GLIPR1L2: variants seen among roughly 807,000 people sequenced by gnomAD.
GLIPR1L2 encodes GLIPR1 like 2.
In GLIPR1L2, 21 loss-of-function variants were observed where a neutral mutation model predicts 28.4. The ratio of observed to expected loss-of-function variants is 0.74; its 90% CI spans 0.52 to 1.06. The LOEUF (loss-of-function observed/expected upper bound fraction) is 1.06. Ranked by LOEUF, GLIPR1L2 falls within the 50% of genes least tolerant of loss-of-function variation. The pLI is 0.00. For missense variants in GLIPR1L2, 476 were observed against 416.9 expected, an observed-to-expected ratio of 1.14 and a Z score of -1.23; for synonymous variants, 145 against 139.3, an observed-to-expected ratio of 1.04 and a Z score of -0.29.
At chr12:75,412,475 A>G (rs2045878332) in intron 2 of GLIPR1L2, among the ~76,000 whole-genome samples, 1 of 152,150 alleles carries the variant, frequency 6.6e-6, no homozygotes, top group Non-Finnish European at 1.5e-5. Flanking sequence ...CAGAATCTAC[A>G]ATGAACTCAA....
intron 3 of GLIPR1L2, among the ~76,000 whole-genome samples, chr12:75,415,971 C>G (rs1211906954): frequency 6.6e-6 from 1 of 152,054 alleles, no homozygotes; most frequent in Non-Finnish European, 1.5e-5. Context: ...CATATTCACT[C>G]TCCTGAGAAT....
intron 4 of GLIPR1L2, 179 bp downstream of exon 4, chr12:75,423,168 G>A: frequency 6.8e-7 from 1 of 1,462,874 alleles, no homozygotes; most frequent in Non-Finnish European, 9.0e-7. Flanking sequence ...AAACTGCAGA[G>A]CTTTTTCTGT....
At chr12:75,396,765 T>C (rs1420273253) in intron 1 of GLIPR1L2, among the ~76,000 whole-genome samples, 1 of 152,206 alleles carries the variant, frequency 6.6e-6, no homozygotes, top group Non-Finnish European at 1.5e-5. Context: ...CCCAGTACTC[T>C]GTATTTTAAT....
chr12:75,400,045 G>GT (rs1381691626), intron 1 of GLIPR1L2, among the ~76,000 whole-genome samples: 1 of 152,188 alleles, frequency 6.6e-6, no homozygotes, highest in East Asian at 1.9e-4. Context: ...GTTAACTAAA[G>GT]TAAGTGTGGT....
chr12:75,400,155 G>C (rs572497841), intron 1 of GLIPR1L2, among the ~76,000 whole-genome samples: 1 of 152,260 alleles, frequency 6.6e-6, no homozygotes, highest in Non-Finnish European at 1.5e-5. Context: ...GTCTCGCTCT[G>C]TTGCCCAGAC....
chr12:75,408,819 T>TAA (rs1179130438), intron 1 of GLIPR1L2, among the ~76,000 whole-genome samples: 1 of 152,082 alleles, frequency 6.6e-6, no homozygotes, highest in African/African-American at 2.4e-5. Context: ...AATACCCATT[T>TAA]AAAACAGCCA....
intron 3 of GLIPR1L2, among the ~76,000 whole-genome samples, chr12:75,414,541 G>A (rs2045905664): frequency 6.6e-6 from 1 of 152,052 alleles, no homozygotes; most frequent in African/African-American, 2.4e-5. Context: ...GAACTATGCT[G>A]TGCATCAAAT....
chr12:75,408,917 A>T (rs1465010987), intron 1 of GLIPR1L2, among the ~76,000 whole-genome samples: 2 of 152,004 alleles, frequency 1.3e-5, no homozygotes, highest in African/African-American at 2.4e-5. Context: ...TGGTTACCTT[A>T]GGGGAAGGGA....
At chr12:75,418,455 T>C (rs1385735418) in intron 3 of GLIPR1L2, among the ~76,000 whole-genome samples, 1 of 152,174 alleles carries the variant, frequency 6.6e-6, no homozygotes, top group African/African-American at 2.4e-5. Flanking sequence ...CATGTATGAA[T>C]CTGAGTATAG....
chr12:75,407,164 C>T (rs2045811820), intron 1 of GLIPR1L2, among the ~76,000 whole-genome samples: 1 of 152,112 alleles, frequency 6.6e-6, no homozygotes, highest in Middle Eastern at 3.2e-3. Context: ...CCTCATCCTA[C>T]TCCATGGCTA....
Position 75,431,564 on chromosome 12 carries a change from A to C in GLIPR1L2, c.*403A>C, listed in dbSNP as rs971884769. 3 of 157,332 alleles carry C rather than the reference A, an allele frequency of 1.9e-5. No individual in the cohort carries two copies. Among genetic ancestry groups the C allele is most frequent in the African/African-American group, 7.2e-5 (3 of 41,598 alleles). 9.7% of individuals were successfully genotyped at this position (157,332 alleles called of 1,614,324 possible). ...AGATCATTCCAAGTTCATAACAACC[A>C]TTGAATAAAATTTGTATTTTTTTGT... is the stretch of plus-strand genomic sequence containing the variant. On this transcript the variant is annotated 3_prime_UTR_variant, in exon 6 of 6. Transcript: ENST00000550916.
chr12:75,427,242 A>G (rs180805014), intron 4 of GLIPR1L2, among the ~76,000 whole-genome samples: 4 of 152,350 alleles, frequency 2.6e-5, no homozygotes, highest in Middle Eastern at 3.4e-3. Flanking sequence ...CATATAATCA[A>G]TGAAAATTAA....
chr12:75,404,968 T>C lies in GLIPR1L2; in HGVS notation c.235-5466T>C, dbSNP rs577508789. Among the ~76,000 whole-genome samples, 11 of 152,308 alleles carry C rather than the reference T, an allele frequency of 7.2e-5. No individual in the cohort carries two copies. The East Asian group carries it at 2.1e-3, about 29-fold the overall frequency. ...ACATAAGTTTAAGTTTACACACTTT[T>C]AGTTTTTAATACTATGAAGCAGAAA... On this transcript the variant is annotated intron_variant, in intron 1 of 5. Transcript: ENST00000550916.
At chr12:75,414,002 G>C (rs556010062) in intron 3 of GLIPR1L2, among the ~76,000 whole-genome samples, 236 of 152,032 alleles carry the variant, frequency 1.6e-3, no homozygotes, top group African/African-American at 5.6e-3. Flanking sequence ...AAAATTTATA[G>C]TAAAAGTAGA....
At chr12:75,392,292 C>G (rs2045627528) in intron 1 of GLIPR1L2, among the ~76,000 whole-genome samples, 1 of 152,150 alleles carries the variant, frequency 6.6e-6, no homozygotes, top group African/African-American at 2.4e-5. Flanking sequence ...CCAAATTTAG[C>G]AAATACCAGC....
intron 1 of GLIPR1L2, among the ~76,000 whole-genome samples, chr12:75,404,815 T>C (rs939385948): frequency 6.6e-6 from 1 of 152,206 alleles, no homozygotes; most frequent in African/African-American, 2.4e-5. Flanking sequence ...TTTAGTGTTA[T>C]GTCTTACTAA....
intron 3 of GLIPR1L2, among the ~76,000 whole-genome samples, chr12:75,421,525 C>T (rs535823243): frequency 2.0e-5 from 3 of 152,120 alleles, no homozygotes; most frequent in Non-Finnish European, 4.4e-5. Flanking sequence ...TTTTATAGCT[C>T]CCAATTATAT....
chr12:75,391,592 T>G, intron 1 of GLIPR1L2: 1 of 1,389,052 alleles, frequency 7.2e-7, no homozygotes, highest in African/African-American at 1.4e-5. Context: ...TGGCCTGAAG[T>G]GCAGATTTTA....
At chr12:75,393,552 T>A (rs995440549) in intron 1 of GLIPR1L2, among the ~76,000 whole-genome samples, 1 of 152,138 alleles carries the variant, frequency 6.6e-6, no homozygotes, top group African/African-American at 2.4e-5. Context: ...AGTTCACCCA[T>A]GTTGTAGCAT....
Sources: allele counts gnomAD v4.1 joint callset (sites outside exome capture counted in the v4.1 genomes callset), GRCh38; gene constraint gnomAD v4.1.1; transcripts MANE v1.5; gene names NCBI Gene and HGNC (gene_info 2026-07-23, HGNC 2026-07-21).